Variants in UMAD1 observed in about 807,000 individuals in gnomAD.
UMAD1 encodes the protein UBAP1-MVB12-associated (UMA) domain containing 1.
Under a neutral mutation model 6.1 loss-of-function variants are expected in UMAD1, and 8 were observed. The observed-to-expected ratio is 1.30, with a 90% CI of 0.76 to 2.35. The LOEUF (loss-of-function observed/expected upper bound fraction) is 2.35. Ranked by LOEUF, UMAD1 falls within the 30% of genes most tolerant of loss-of-function variation. UMAD1 has a pLI of 0.00. For missense variants in UMAD1, 130 were observed against 78.4 expected, an observed-to-expected ratio of 1.66 and a Z score of -2.49; for synonymous variants, 56 against 31.4, an observed-to-expected ratio of 1.78 and a Z score of -2.61.
intron 2 of UMAD1, among the ~76,000 whole-genome samples, chr7:7,764,069 A>G (rs1430291426): frequency 6.6e-6 from 1 of 152,244 alleles, no homozygotes; most frequent in African/African-American, 2.4e-5. Context: ...ATAATCTGAA[A>G]TAGATATTTA....
In UMAD1 at chr7:7,843,372, C is replaced by T. The variant is rs112026270; in HGVS notation, c.157-33909C>T. Among the ~76,000 whole-genome samples, 559 of 152,232 alleles carry T rather than the reference C, an allele frequency of 3.7e-3. 4 individuals are homozygous for T. Among genetic ancestry groups the T allele is most frequent in the Middle Eastern group, 0.01 (3 of 294 alleles). On this transcript the variant is annotated intron_variant, in intron 3 of 3. Transcript: ENST00000682710. Reference sequence around the variant, plus strand: ...GATTGCTAAAGACTGGTAGATTCTCCTGTGAAGAATAGTAAACCTGTTTTA... The same window carrying T: ...GATTGCTAAAGACTGGTAGATTCTCTTGTGAAGAATAGTAAACCTGTTTTA...
intron 1 of UMAD1, among the ~76,000 whole-genome samples, chr7:7,644,333 G>A (rs998525932): frequency 6.9e-6 from 1 of 144,042 alleles, no homozygotes; most frequent in Non-Finnish European, 1.5e-5. Context: ...CTATCTTTCC[G>A]TTTCCTTCCT....
rs1028204717 is a variant in UMAD1 at position 7,717,461 on chromosome 7, C to A, written c.82+44008C>A. Among the ~76,000 whole-genome samples the A allele has an allele frequency of 9.2e-5, 14 of 152,334 alleles. 1 individual carries two copies. The highest frequency in any genetic ancestry group is 8.5e-4 in the Admixed American group (13 of 15,296). On this transcript the variant is annotated intron_variant, in intron 2 of 3. Coordinates refer to ENST00000682710, the MANE Select transcript of UMAD1 (RefSeq NM_001302348.2). Reference sequence around the variant, plus strand: ...AGACGATAACCTCAGGTATTTACCTCAGACAACTCTGCTACTTCAGAAGTA... The same window carrying A: ...AGACGATAACCTCAGGTATTTACCTAAGACAACTCTGCTACTTCAGAAGTA...
At chr7:7,813,472 G>A (rs1783064040) in intron 3 of UMAD1, among the ~76,000 whole-genome samples, 1 of 152,144 alleles carries the variant, frequency 6.6e-6, no homozygotes, top group African/African-American at 2.4e-5. Flanking sequence ...CCAAAGTGCT[G>A]GGATTACAGG....
chr7:7,841,193 G>A (rs1012709259), intron 3 of UMAD1, among the ~76,000 whole-genome samples: 6 of 152,254 alleles, frequency 3.9e-5, no homozygotes, highest in East Asian at 1.9e-4. Context: ...ATTATGAGTC[G>A]GGTAAACAGT....
chr7:7,806,119 T>A (rs560075793), intron 3 of UMAD1, among the ~76,000 whole-genome samples: 1 of 152,344 alleles, frequency 6.6e-6, no homozygotes, highest in Admixed American at 6.5e-5. Flanking sequence ...GCCTAATGTT[T>A]CTGCCTATCA....
intron 3 of UMAD1, among the ~76,000 whole-genome samples, chr7:7,828,680 C>G (rs1446738249): frequency 1.3e-5 from 2 of 152,150 alleles, no homozygotes; most frequent in African/African-American, 2.4e-5. Context: ...TGCACACAAC[C>G]TTGCGTTTCA....
At chr7:7,809,916 T>C (rs6971634) in intron 3 of UMAD1, among the ~76,000 whole-genome samples, 33,119 of 151,932 alleles carry the variant, frequency 0.22, 3,559 homozygotes, top group Middle Eastern at 0.26. Flanking sequence ...CCTTGAGATT[T>C]GTGAATCCCA....
intron 2 of UMAD1, among the ~76,000 whole-genome samples, chr7:7,694,904 G>A (rs1780270704): frequency 6.6e-6 from 1 of 152,142 alleles, no homozygotes; most frequent in African/African-American, 2.4e-5. Flanking sequence ...GATACACCTA[G>A]CAGTGGGATT....
intron 1 of UMAD1, among the ~76,000 whole-genome samples, chr7:7,656,345 C>T (rs1785342715): frequency 6.6e-6 from 1 of 151,522 alleles, no homozygotes; most frequent in Admixed American, 6.6e-5. Flanking sequence ...ACTTAAAGTT[C>T]TGGAGTACAT....
At chr7:7,813,003 A>G (rs1157827726) in intron 3 of UMAD1, among the ~76,000 whole-genome samples, 4 of 152,164 alleles carry the variant, frequency 2.6e-5, no homozygotes, top group African/African-American at 4.8e-5. Flanking sequence ...TGGAAAAGTA[A>G]CATGTAGGTA....
intron 1 of UMAD1, among the ~76,000 whole-genome samples, chr7:7,667,382 C>T (rs1441062066): frequency 6.6e-6 from 1 of 152,198 alleles, no homozygotes; most frequent in African/African-American, 2.4e-5. Flanking sequence ...CAAGGCCATG[C>T]ATATCAGAAG....
intron 2 of UMAD1, among the ~76,000 whole-genome samples, chr7:7,760,719 A>G (rs1583805773): frequency 6.6e-6 from 1 of 152,294 alleles, no homozygotes; most frequent in East Asian, 1.9e-4. Flanking sequence ...GAGAGTAATT[A>G]GGTTCAGCTA....
chr7:7,724,850 G>C (rs138067873), intron 2 of UMAD1, among the ~76,000 whole-genome samples: 2 of 152,238 alleles, frequency 1.3e-5, no homozygotes, highest in African/African-American at 4.8e-5. Flanking sequence ...TCAGCTTCCT[G>C]TTCTACCTCA....
At chr7:7,811,720 A>G (rs530140801) in intron 3 of UMAD1, among the ~76,000 whole-genome samples, 23 of 152,290 alleles carry the variant, frequency 1.5e-4, no homozygotes, top group Admixed American at 5.2e-4. Flanking sequence ...TGCTTAATGA[A>G]GAGATTTTAG....
chr7:7,855,173 A>G (rs534430045), intron 3 of UMAD1, among the ~76,000 whole-genome samples: 48 of 152,314 alleles, frequency 3.2e-4, no homozygotes, highest in African/African-American at 1.1e-3. Flanking sequence ...TTCCAGGTGC[A>G]TGGTGCAAGC....
intron 3 of UMAD1, among the ~76,000 whole-genome samples, chr7:7,846,100 G>T (rs550170706): frequency 6.6e-6 from 1 of 152,222 alleles, no homozygotes; most frequent in African/African-American, 2.4e-5. Flanking sequence ...CGTGATGTAT[G>T]AACTGTGACC....
In UMAD1 at chr7:7,796,922, C is replaced by T. The variant is rs566127653; in HGVS notation, c.83-4748C>T. Among the ~76,000 whole-genome samples, 196 of 152,306 alleles carry T rather than the reference C, an allele frequency of 1.3e-3. 1 individual carries two copies. The highest frequency in any genetic ancestry group is 4.4e-3 in the African/African-American group (183 of 41,560). ...AAAGATTTGAGCTTTCTTCATGTCT[C>T]CTCATTTGGTGGCCCTAAGATTAAA... On this transcript the variant is annotated intron_variant, in intron 2 of 3. Coordinates refer to ENST00000682710, the MANE Select transcript of UMAD1 (RefSeq NM_001302348.2).
intron 2 of UMAD1, among the ~76,000 whole-genome samples, chr7:7,786,762 A>G (rs993622121): frequency 2.6e-5 from 4 of 152,106 alleles, no homozygotes; most frequent in Non-Finnish European, 5.9e-5. Flanking sequence ...CCTTGCTCTC[A>G]CTGGGATTGA....
Sources: allele counts gnomAD v4.1 joint callset (sites outside exome capture counted in the v4.1 genomes callset), GRCh38; gene constraint gnomAD v4.1.1; transcripts MANE v1.5; gene names NCBI Gene and HGNC (gene_info 2026-07-23, HGNC 2026-07-21).